PTPRT: variants seen among roughly 807,000 people sequenced by gnomAD.
PTPRT encodes the protein receptor-type tyrosine-protein phosphatase T.
In PTPRT, 56 loss-of-function variants were observed where a neutral mutation model predicts 176.8. The ratio of observed to expected loss-of-function variants is 0.32; its 90% confidence interval spans 0.26 to 0.40. PTPRT has a LOEUF of 0.40. Among genes scored for constraint, PTPRT ranks in the 10% least tolerant of loss-of-function variants. The pLI, the probability that PTPRT is intolerant of heterozygous loss-of-function variation, is 1.00. For synonymous variants in PTPRT, 783 were observed against 739.0 expected, an observed-to-expected ratio of 1.06 and a Z score of -0.96; for missense variants, 1,540 against 1,908.2, an observed-to-expected ratio of 0.81 and a Z score of 3.60.
At chr20:42,688,463 TCCTGCCATTTTTGGCTA>T (rs1419614335) in intron 6 of PTPRT, 1 of 152,212 alleles carries the variant, frequency 6.6e-6, no homozygotes, top group East Asian at 1.9e-4. Flanking sequence ...GGTCACCACT[TCCTGCCATTTTTGGCTA>T]CCTTAGCGTC....
rs147616737 is a variant in PTPRT at position 42,363,632 on chromosome 20, C to T, written c.1561-11347G>A. On this transcript the variant is annotated intron_variant, in intron 9 of 30. Coordinates refer to ENST00000373187, the MANE Select transcript of PTPRT (RefSeq NM_007050.6). ...GCCTATTACAATAATATTAACAACA[C>T]GAGAGGACATTTAATACCACTCACT... Among the ~76,000 whole-genome samples the T allele has an allele frequency of 2.4e-4, 36 of 152,022 alleles. 1 individual carries two copies. The East Asian group carries it at 4.9e-3, about 21-fold the overall frequency.
At chr20:43,163,050 T>C (rs2014742371) in intron 1 of PTPRT, among the ~76,000 whole-genome samples, 1 of 152,102 alleles carries the variant, frequency 6.6e-6, no homozygotes, top group African/African-American at 2.4e-5. Context: ...CTCAGCAAAA[T>C]GGTGAACCAG....
Position 42,102,216 on chromosome 20 carries a change from T to C in PTPRT, c.3622A>G (p.Ser1208Gly), listed in dbSNP as rs149070505. The C allele has an allele frequency of 9.2e-5, 149 of 1,614,112 alleles. No individual in the cohort carries two copies. In the African/African-American group the frequency reaches 1.8e-3, roughly 19 times the overall value. ...LLPRNHDKNR[S>G]MDVLPLDRCL... ...CGGTCCAGAGGCAGCACGTCCATAC[T>C]TCGATTCTTATCATGGTTCCGGGGC... The change falls in exon 26 of 31, where the codon AGT becomes GGT. Residue 1208 changes from serine (S) to glycine (G), a missense_variant. By Grantham distance (56) the Ser-to-Gly change is moderately conservative. Around this residue, in one of 11 missense-constraint regions of PTPRT, gnomAD observed 342 missense variants for 394.0 expected, o/e 0.87. Coordinates refer to ENST00000373187, the MANE Select transcript of PTPRT (RefSeq NM_007050.6).
At chr20:42,192,513 G>A (rs912736955) in intron 16 of PTPRT, among the ~76,000 whole-genome samples, 1 of 152,190 alleles carries the variant, frequency 6.6e-6, no homozygotes, top group African/African-American at 2.4e-5. Context: ...TATGAGGTCT[G>A]TGTGGTAAAG....
At chr20:42,776,695 T>C (rs1379109920) in intron 4 of PTPRT, among the ~76,000 whole-genome samples, 1 of 150,322 alleles carries the variant, frequency 6.7e-6, no homozygotes, top group Non-Finnish European at 1.5e-5. Context: ...AATTATATAA[T>C]CATATCATAT....
At position 42,810,517 on chromosome 20, in the gene PTPRT, G is replaced by A. The variant is rs74664362; in HGVS notation, c.215-19051C>T. 8.4e-3 allele frequency among the ~76,000 whole-genome samples: 1,285 copies of A among 152,226 alleles called. 26 individuals are homozygous for A. Among genetic ancestry groups the A allele is most frequent in the African/African-American group, 0.029 (1,192 of 41,512 alleles). ...CCTGGAGACTCCTAGTTCATGCAGC[G>A]TAACACAAAGCTCAGTTTGCATTTA... On this transcript the variant is annotated intron_variant, in intron 2 of 30. Transcript: ENST00000373187.
chr20:42,302,675 CA>C (rs1300553130), intron 12 of PTPRT, among the ~76,000 whole-genome samples: 1 of 152,286 alleles, frequency 6.6e-6, no homozygotes, highest in East Asian at 1.9e-4. Context: ...TCGCTGAGGG[CA>C]GGAACTGTAA....
Position 42,448,014 on chromosome 20 carries a change from T to G in PTPRT, c.1560+206A>C, listed in dbSNP as rs566540252. ...ACCATAGTCACTTCAATGCATGATG[T>G]GTACAAATTTCTTTGTTCTTGGGGC... On this transcript the variant is annotated intron_variant, in intron 9 of 30. Coordinates refer to ENST00000373187, the MANE Select transcript of PTPRT (RefSeq NM_007050.6). Among the ~76,000 whole-genome samples, 113 of 152,330 alleles carry G rather than the reference T, an allele frequency of 7.4e-4. 1 individual carries two copies. The highest frequency in any genetic ancestry group is 2.0e-3 in the Admixed American group (30 of 15,290).
chr20:42,232,114 A>G (rs2056146174), intron 15 of PTPRT, among the ~76,000 whole-genome samples: 2 of 152,192 alleles, frequency 1.3e-5, no homozygotes, highest in Admixed American at 6.5e-5. Flanking sequence ...GCTAACTCCT[A>G]TATACCCAGA....
chr20:42,094,661 C>T (rs1985008901), intron 27 of PTPRT, among the ~76,000 whole-genome samples: 1 of 152,122 alleles, frequency 6.6e-6, no homozygotes. Flanking sequence ...AGGCCAAGAT[C>T]AGCAGATCAC....
intron 1 of PTPRT, among the ~76,000 whole-genome samples, chr20:42,905,915 C>CG (rs1049779747): frequency 9.1e-4 from 10 of 10,996 alleles, no homozygotes; most frequent in African/African-American, 3.4e-3. Context: ...TGGGGCCTGT[C>CG]GGGGGGTAGG....
intron 1 of PTPRT, among the ~76,000 whole-genome samples, chr20:42,889,061 C>T (rs1236601855): frequency 6.6e-6 from 1 of 152,250 alleles, no homozygotes; most frequent in South Asian, 2.1e-4. Flanking sequence ...GCCCCTAGTC[C>T]GTTGGATCCA....
intron 9 of PTPRT, among the ~76,000 whole-genome samples, chr20:42,377,343 GT>G (rs1340368563): frequency 6.6e-6 from 1 of 152,126 alleles, no homozygotes; most frequent in Non-Finnish European, 1.5e-5. Context: ...TTCCTAGAAG[GT>G]AAAGATGCCC....
chr20:42,928,494 G>A (rs1361401958), intron 1 of PTPRT, among the ~76,000 whole-genome samples: 1 of 152,194 alleles, frequency 6.6e-6, no homozygotes, highest in African/African-American at 2.4e-5. Context: ...CCTTGCCACA[G>A]AACATGTGTG....
intron 1 of PTPRT, among the ~76,000 whole-genome samples, chr20:43,033,914 C>A (rs1247497875): frequency 1.3e-5 from 2 of 152,222 alleles, no homozygotes; most frequent in Non-Finnish European, 2.9e-5. Flanking sequence ...TCGCTCCTGA[C>A]CACCCTGCTG....
intron 9 of PTPRT, among the ~76,000 whole-genome samples, chr20:42,411,466 G>A (rs1174249955): frequency 5.6e-5 from 8 of 143,576 alleles, no homozygotes; most frequent in African/African-American, 1.3e-4. Flanking sequence ...GTAGTGAGCC[G>A]AGATCGCACC....
At chr20:42,298,382 G>C (rs548103607) in intron 12 of PTPRT, among the ~76,000 whole-genome samples, 8 of 152,252 alleles carry the variant, frequency 5.3e-5, no homozygotes, top group Non-Finnish European at 1.0e-4. Context: ...GTCATACATT[G>C]CTGGGACAAA....
intron 1 of PTPRT, among the ~76,000 whole-genome samples, chr20:43,103,287 A>C (rs1407348482): frequency 6.6e-6 from 1 of 152,054 alleles, no homozygotes; most frequent in Non-Finnish European, 1.5e-5. Flanking sequence ...CTTCCTCCAA[A>C]ATCATGGGTG....
At chr20:42,545,017 A>G (rs935051509) in intron 7 of PTPRT, among the ~76,000 whole-genome samples, 1 of 152,146 alleles carries the variant, frequency 6.6e-6, no homozygotes, top group African/African-American at 2.4e-5. Flanking sequence ...GCCTGGGCAG[A>G]AAACTAGCAG....
Sources: gnomAD v4.1 joint callset for allele counts (sites outside exome capture counted in the v4.1 genomes callset) on GRCh38, gnomAD v4.1.1 for gene constraint, gnomAD v4.1.1 regional missense constraint, MANE v1.5 for transcripts, NCBI Gene and HGNC (gene_info 2026-07-23, HGNC 2026-07-21) for gene names.